The following NBEA variants were observed in gnomAD, a reference collection of about 807,000 sequenced individuals.
NBEA encodes the protein neurobeachin, also known as lysosomal-trafficking regulator 2.
Under a neutral mutation model 343.4 loss-of-function variants are expected in NBEA, and 44 were observed. The ratio of observed to expected loss-of-function variants is 0.13; its 90% confidence interval spans 0.10 to 0.16. NBEA has a LOEUF of 0.16. Among genes scored for constraint, NBEA ranks in the 10% least tolerant of loss-of-function variants. NBEA has a pLI of 1.00. For synonymous variants in NBEA, 1,175 were observed against 1,238.7 expected, an observed-to-expected ratio of 0.95 and a Z score of 1.08; for missense variants, 2,555 against 3,631.3, an observed-to-expected ratio of 0.70 and a Z score of 7.62.
rs2073594514 is a variant in NBEA at position 35,209,107 on chromosome 13, C to G, written c.5521+253C>G. 4.6e-5 allele frequency among the ~76,000 whole-genome samples: 7 copies of G among 152,078 alleles called. No individual in the cohort carries two copies. In the South Asian group the frequency reaches 1.4e-3, roughly 31 times the overall value. On this transcript the variant is annotated intron_variant, in intron 32 of 58. Transcript: ENST00000379939. ...GTGCTGTTTATTTTCAGAGTGAAATCAGATTACTGAAAGATATTTGGGGAG... is the reference window on the plus strand; with the variant it reads ...GTGCTGTTTATTTTCAGAGTGAAATGAGATTACTGAAAGATATTTGGGGAG...
Position 35,378,122 on chromosome 13 carries a change from C to T in NBEA, c.6179+25799C>T, listed in dbSNP as rs866682617. On this transcript the variant is annotated intron_variant, in intron 38 of 58. Transcript: ENST00000379939. Reference sequence around the variant, plus strand: ...TCTTGGGGAGAAACAGGAATACTTACGTGTATGTATGTGTTTGTGTGTATC... The same window carrying T: ...TCTTGGGGAGAAACAGGAATACTTATGTGTATGTATGTGTTTGTGTGTATC... Among the ~76,000 whole-genome samples the T allele has an allele frequency of 3.9e-5, 6 of 152,218 alleles. No homozygotes were observed. In the East Asian group the frequency reaches 5.8e-4, roughly 15 times the overall value.
intron 55 of NBEA, among the ~76,000 whole-genome samples, chr13:35,660,760 C>T (rs759434899): frequency 3.3e-5 from 5 of 152,066 alleles, no homozygotes; most frequent in Non-Finnish European, 7.4e-5. Flanking sequence ...AAAGCATGGC[C>T]GATGGATAGC....
chr13:35,437,709 G>A (rs944220922), intron 39 of NBEA, among the ~76,000 whole-genome samples: 2 of 152,114 alleles, frequency 1.3e-5, no homozygotes, highest in African/African-American at 4.8e-5. Flanking sequence ...ATGGACCATA[G>A]CAATGGAACA....
At chr13:35,295,102 G>A (rs2036038787) in intron 35 of NBEA, among the ~76,000 whole-genome samples, 1 of 147,636 alleles carries the variant, frequency 6.8e-6, no homozygotes, top group African/African-American at 2.5e-5. Flanking sequence ...GCCAGGCAAT[G>A]TATAATATTT....
chr13:34,957,741 A>G (rs2059543029), intron 1 of NBEA, among the ~76,000 whole-genome samples: 1 of 152,180 alleles, frequency 6.6e-6, no homozygotes, highest in Admixed American at 6.6e-5. Flanking sequence ...TGTTTTCGCT[A>G]CAACCCCTTT....
intron 38 of NBEA, among the ~76,000 whole-genome samples, chr13:35,378,829 A>G (rs1175627238): frequency 6.6e-6 from 1 of 151,948 alleles, no homozygotes; most frequent in Non-Finnish European, 1.5e-5. Flanking sequence ...GGTAACTGCT[A>G]TCCTAAATTC....
At chr13:35,248,903 AC>A (rs1400160485) in intron 34 of NBEA, among the ~76,000 whole-genome samples, 1 of 152,186 alleles carries the variant, frequency 6.6e-6, no homozygotes, top group East Asian at 1.9e-4. Context: ...TAATCCCAGC[AC>A]TTTGGGAGGC....
chr13:35,445,798 ATATATATATATATATATATG>A (rs1282455344), intron 39 of NBEA, among the ~76,000 whole-genome samples: 1 of 83,960 alleles, frequency 1.2e-5, no homozygotes, highest in South Asian at 3.1e-4. Context: ...ATATATATAT[ATATATATATATATATATATG>A]TATATATATA....
chr13:35,118,143 C>T, intron 14 of NBEA, 85 bp from the exon 15 acceptor site: 20 of 915,396 alleles, frequency 2.2e-5, no homozygotes, highest in Middle Eastern at 3.6e-4. Context: ...CTCTTATTTT[C>T]TTTTACAATG....
At chr13:35,466,641 A>T (rs774722560) in intron 40 of NBEA, among the ~76,000 whole-genome samples, 3 of 151,196 alleles carry the variant, frequency 2.0e-5, no homozygotes, top group Non-Finnish European at 4.5e-5. Flanking sequence ...CTAATTTTTT[A>T]AATTTTTCAT....
chr13:35,370,437 G>C (rs998611975), intron 38 of NBEA, among the ~76,000 whole-genome samples: 1 of 151,920 alleles, frequency 6.6e-6, no homozygotes, highest in Admixed American at 6.6e-5. Context: ...TTGCAGATGA[G>C]ATGAGATTCC....
chr13:35,491,717 A>G (rs978434066), intron 41 of NBEA, among the ~76,000 whole-genome samples: 1 of 151,954 alleles, frequency 6.6e-6, no homozygotes, highest in African/African-American at 2.4e-5. Flanking sequence ...GCAATATAGA[A>G]TGAGAAAAAG....
intron 41 of NBEA, among the ~76,000 whole-genome samples, chr13:35,520,152 G>C (rs2077642248): frequency 6.6e-6 from 1 of 152,148 alleles, no homozygotes; most frequent in Non-Finnish European, 1.5e-5. Context: ...TTCACAACAG[G>C]GTTTGCGCCT....
chr13:35,057,596 T>G (rs2063318598), intron 7 of NBEA, among the ~76,000 whole-genome samples: 1 of 152,106 alleles, frequency 6.6e-6, no homozygotes, highest in African/African-American at 2.4e-5. Flanking sequence ...CAATAAATAT[T>G]TAATAGAATG....
chr13:35,063,716 G>A (rs1451274262), intron 8 of NBEA, among the ~76,000 whole-genome samples: 4 of 151,984 alleles, frequency 2.6e-5, no homozygotes, highest in African/African-American at 9.7e-5. Flanking sequence ...TGGAAATAGG[G>A]AGACTAGTTA....
At chr13:35,400,015 A>C (rs2042922563) in intron 38 of NBEA, among the ~76,000 whole-genome samples, 1 of 71,136 alleles carries the variant, frequency 1.4e-5, no homozygotes, top group Non-Finnish European at 4.3e-5. Flanking sequence ...GCACCCTAAA[A>C]CAGTTGTAGT....
At chr13:35,171,639 A>T (rs533362953) in intron 26 of NBEA, among the ~76,000 whole-genome samples, 187 bp downstream of exon 26, 53 of 152,206 alleles carry the variant, frequency 3.5e-4, no homozygotes, top group African/African-American at 1.3e-3. Flanking sequence ...ATGCCTTCAC[A>T]TTGGAGATTT....
At chr13:35,181,874 GT>G (rs2071344647) in intron 28 of NBEA, among the ~76,000 whole-genome samples, 1 of 151,610 alleles carries the variant, frequency 6.6e-6, no homozygotes, top group South Asian at 2.1e-4. Context: ...CTCCCCCATT[GT>G]TTATTTCTCC....
chr13:35,570,440 A>G (rs1376222891), intron 45 of NBEA, among the ~76,000 whole-genome samples: 1 of 152,220 alleles, frequency 6.6e-6, no homozygotes, highest in Non-Finnish European at 1.5e-5. Context: ...TGTTAAGTAA[A>G]TAATACAGGT....
Sources: allele counts gnomAD v4.1 joint callset (sites outside exome capture counted in the v4.1 genomes callset), GRCh38; gene constraint gnomAD v4.1.1; transcripts MANE v1.5; gene names NCBI Gene and HGNC (gene_info 2026-07-23, HGNC 2026-07-21).